Variants in NEGR1 observed in about 807,000 individuals in gnomAD.
NEGR1 encodes the protein IgLON family member 4.
NEGR1 carries 10 observed loss-of-function variants against 40.9 expected under a neutral mutation model. The observed-to-expected ratio is 0.24, with a 90% CI of 0.15 to 0.42. The LOEUF (loss-of-function observed/expected upper bound fraction) is 0.42, where lower values mean the gene tolerates loss of function less well. NEGR1 is among the 10% of genes least tolerant of loss of function. The pLI, the probability that NEGR1 is intolerant of heterozygous loss-of-function variation, is 1.00. For synonymous variants in NEGR1, 185 were observed against 166.8 expected, an observed-to-expected ratio of 1.11 and a Z score of -0.84; for missense variants, 352 against 438.9, an observed-to-expected ratio of 0.80 and a Z score of 1.77.
rs10604833 is a variant in NEGR1, at chr1:71,988,923, T to TAAAAAAAAAAAAAAAAAAAAAAAAA, written c.177-53637_177-53613dup. 8.5e-5 allele frequency among the ~76,000 whole-genome samples: 7 copies of TAAAAAAAAAAAAAAAAAAAAAAAAA among 82,234 alleles called. 1 individual carries two copies. The highest frequency in any genetic ancestry group is 4.0e-4 in the African/African-American group (7 of 17,440). The allele number at this position is 82,234 out of a possible 152,430, so 53.9% of individuals were successfully genotyped here. On this transcript the variant is annotated intron_variant, in intron 1 of 6. Coordinates refer to ENST00000357731, the MANE Select transcript of NEGR1 (RefSeq NM_173808.3). ...CAATGAGCTCTATCATATTGGATGTTAAAAAAAAAAAAAAAAAAAAAAAAA... is the reference window on the plus strand; with the variant it reads ...CAATGAGCTCTATCATATTGGATGTTAAAAAAAAAAAAAAAAAAAAAAAAAAAAAAAAAAAAAAAAAAAAAAAAAA...
At chr1:71,415,336 T>C (rs1303556213) in intron 6 of NEGR1, among the ~76,000 whole-genome samples, 1 of 152,104 alleles carries the variant, frequency 6.6e-6, no homozygotes, top group Non-Finnish European at 1.5e-5. Context: ...TGCCAACTTA[T>C]TCTTAGCGAC....
At chr1:71,798,006 T>A (rs1657403209) in intron 2 of NEGR1, 1 of 152,092 alleles carries the variant, frequency 6.6e-6, no homozygotes, top group African/African-American at 2.4e-5. Context: ...ATTGAAAACA[T>A]TTATGATTCT....
At chr1:71,458,753 A>G (rs1417858459) in intron 6 of NEGR1, among the ~76,000 whole-genome samples, 2 of 152,238 alleles carry the variant, frequency 1.3e-5, no homozygotes, top group African/African-American at 2.4e-5. Context: ...ATATATTTCT[A>G]GATCCTTCTC....
intron 2 of NEGR1, among the ~76,000 whole-genome samples, chr1:71,894,732 G>A (rs182048221): frequency 1.5e-4 from 23 of 152,238 alleles, no homozygotes; most frequent in Non-Finnish European, 2.6e-4. Context: ...CTCTCAATAA[G>A]TTTTATTTTT....
chr1:72,280,394 A>G (rs1656202714), intron 1 of NEGR1, among the ~76,000 whole-genome samples: 1 of 152,228 alleles, frequency 6.6e-6, no homozygotes, highest in African/African-American at 2.4e-5. Context: ...AATGCTCACT[A>G]CAAATAAGCA....
In NEGR1 at chr1:72,163,755, TAGA is replaced by T. The variant is rs1557557981; in HGVS notation, c.176+118561_176+118563del. 5.1e-4 allele frequency among the ~76,000 whole-genome samples: 68 copies of T among 132,332 alleles called. 2 individuals carry two copies. In the South Asian group the frequency reaches 0.016, roughly 30 times the overall value. The allele number at this position is 132,332 out of a possible 152,430, so 86.8% of individuals were successfully genotyped here. On this transcript the variant is annotated intron_variant, in intron 1 of 6. Transcript: ENST00000357731. ...ATAGATAGATAGATAGATAGATAGA[TAGA>T]TAGATATAGATTTAGATATGTTTAA...
intron 6 of NEGR1, among the ~76,000 whole-genome samples, chr1:71,474,953 A>T (rs1646810509): frequency 2.0e-5 from 3 of 152,102 alleles, no homozygotes; most frequent in Admixed American, 2.0e-4. Flanking sequence ...TAGGAATTCA[A>T]CAAGGGTCAG....
rs530527623 is a variant in NEGR1, at chr1:71,886,772, T to C, written c.409+48307A>G. On this transcript the variant is annotated intron_variant, in intron 2 of 6. Transcript: ENST00000357731. ...CCTTTTTTACGTGTATTCCATTTACTGGTTTTCTGCAATAGGGAAGAGAGG... is the reference window on the plus strand; with the variant it reads ...CCTTTTTTACGTGTATTCCATTTACCGGTTTTCTGCAATAGGGAAGAGAGG... 8.5e-5 allele frequency among the ~76,000 whole-genome samples: 13 copies of C among 152,314 alleles called. 1 individual carries two copies. The South Asian group carries it at 2.7e-3, about 32-fold the overall frequency.
chr1:71,676,525 C>T (rs1652642414), intron 4 of NEGR1, among the ~76,000 whole-genome samples: 1 of 152,162 alleles, frequency 6.6e-6, no homozygotes, highest in African/African-American at 2.4e-5. Flanking sequence ...AGTGATCTCC[C>T]ATGCAGTAGG....
chr1:71,581,954 T>A (rs1268040185), intron 6 of NEGR1, among the ~76,000 whole-genome samples: 1 of 152,156 alleles, frequency 6.6e-6, no homozygotes, highest in Non-Finnish European at 1.5e-5. Flanking sequence ...TCCATCTGCA[T>A]CAGCCTTACA....
intron 1 of NEGR1, among the ~76,000 whole-genome samples, chr1:72,192,571 G>A (rs991222531): frequency 2.0e-5 from 3 of 151,714 alleles, no homozygotes; most frequent in African/African-American, 7.3e-5. Context: ...TACAGTCTAG[G>A]AGGGCATATG....
At chr1:72,191,423 G>A (rs1228298606) in intron 1 of NEGR1, among the ~76,000 whole-genome samples, 1 of 151,724 alleles carries the variant, frequency 6.6e-6, no homozygotes, top group East Asian at 1.9e-4. Context: ...CACACAAAGG[G>A]AGAATGAGAG....
chr1:71,868,732 A>G (rs1040558131), intron 2 of NEGR1, among the ~76,000 whole-genome samples: 1 of 150,958 alleles, frequency 6.6e-6, no homozygotes, highest in African/African-American at 2.4e-5. Context: ...ACACACTTCT[A>G]CTCCTTCCTC....
intron 1 of NEGR1, among the ~76,000 whole-genome samples, chr1:72,077,777 C>T (rs1394824868): frequency 6.6e-6 from 1 of 151,980 alleles, no homozygotes; most frequent in Admixed American, 6.6e-5. Context: ...CTTGCTATTG[C>T]TCTCCAGCAA....
intron 3 of NEGR1, among the ~76,000 whole-genome samples, chr1:71,714,872 T>C (rs1654221118): frequency 6.6e-6 from 1 of 152,210 alleles, no homozygotes; most frequent in Admixed American, 6.5e-5. Context: ...TCTACCATTC[T>C]GGGGTCTGGA....
At chr1:72,089,028 C>T (rs1648347530) in intron 1 of NEGR1, among the ~76,000 whole-genome samples, 1 of 151,922 alleles carries the variant, frequency 6.6e-6, no homozygotes, top group Non-Finnish European at 1.5e-5. Context: ...ATTAACAGAG[C>T]CATGCTTCTC....
At chr1:72,281,613 A>T (rs1046477131) in intron 1 of NEGR1, among the ~76,000 whole-genome samples, 1 of 152,078 alleles carries the variant, frequency 6.6e-6, no homozygotes, top group African/African-American at 2.4e-5. Flanking sequence ...AGACAAAAAG[A>T]AAAAAGGGTA....
intron 2 of NEGR1, among the ~76,000 whole-genome samples, chr1:71,847,034 C>A (rs751878152): frequency 3.9e-5 from 6 of 152,100 alleles, no homozygotes; most frequent in African/African-American, 4.8e-5. Context: ...AAAATGAATT[C>A]TTCTCTTTCT....
chr1:71,845,083 A>G (rs1033266042), intron 2 of NEGR1, among the ~76,000 whole-genome samples: 7 of 152,216 alleles, frequency 4.6e-5, no homozygotes, highest in Admixed American at 3.3e-4. Context: ...TTTCAAACCA[A>G]TCAGAAATTG....
Sources: allele counts gnomAD v4.1 joint callset (sites outside exome capture counted in the v4.1 genomes callset), GRCh38; gene constraint gnomAD v4.1.1; transcripts MANE v1.5; gene names NCBI Gene and HGNC (gene_info 2026-07-23, HGNC 2026-07-21).